NRCAM: variants seen among roughly 807,000 people sequenced by gnomAD.
NRCAM encodes the protein neuronal cell adhesion molecule.
Under a neutral mutation model 156.5 loss-of-function variants are expected in NRCAM, and 83 were observed. The observed-to-expected ratio is 0.53, with a 90% CI of 0.44 to 0.64. The LOEUF is 0.64. Ranked by LOEUF, NRCAM falls within the 30% of genes least tolerant of loss-of-function variation. NRCAM has a pLI of 0.00. For synonymous variants in NRCAM, 538 were observed against 563.9 expected (o/e 0.95, Z 0.65); for missense variants, 1,417 against 1,597.3 (o/e 0.89, Z 1.92).
intron 11 of NRCAM, among the ~76,000 whole-genome samples, chr7:108,218,185 G>GGA (rs1554582759): frequency 1.3e-5 from 2 of 149,864 alleles, no homozygotes; most frequent in African/African-American, 2.5e-5. Context: ...GGGGGGGGGG[G>GGA]GAGTTCCCCG....
intron 20 of NRCAM, among the ~76,000 whole-genome samples, chr7:108,188,393 G>T (rs781306106): frequency 1.3e-5 from 2 of 151,934 alleles, no homozygotes; most frequent in African/African-American, 2.4e-5. Context: ...GTGTGTGTGT[G>T]TGTGTGTATA....
At chr7:108,170,494 C>G (rs1418023271) in intron 28 of NRCAM, among the ~76,000 whole-genome samples, 1 of 152,202 alleles carries the variant, frequency 6.6e-6, no homozygotes, top group African/African-American at 2.4e-5. Context: ...AGAGTCTCAT[C>G]AGAAACTCAA....
intron 2 of NRCAM, among the ~76,000 whole-genome samples, chr7:108,363,943 T>A (rs1563448083): frequency 6.6e-6 from 1 of 152,078 alleles, no homozygotes; most frequent in Non-Finnish European, 1.5e-5. Context: ...TAATATGGTA[T>A]CCTAGATAGG....
intron 2 of NRCAM, among the ~76,000 whole-genome samples, chr7:108,383,942 G>T (rs1277670369): frequency 2.6e-5 from 4 of 152,038 alleles, no homozygotes; most frequent in African/African-American, 9.7e-5. Flanking sequence ...TGGTGCATTT[G>T]GTTTAAGAAC....
intron 8 of NRCAM, among the ~76,000 whole-genome samples, chr7:108,229,363 A>C (rs1184054459): frequency 6.6e-6 from 1 of 152,194 alleles, no homozygotes; most frequent in Non-Finnish European, 1.5e-5. Flanking sequence ...CCTGAGCTGA[A>C]GCAATCCTCC....
intron 2 of NRCAM, among the ~76,000 whole-genome samples, chr7:108,389,763 G>C (rs1405449431): frequency 1.3e-5 from 2 of 152,194 alleles, no homozygotes; most frequent in Non-Finnish European, 2.9e-5. Context: ...TTTTTGGCAT[G>C]AAGGGCTGTT....
At chr7:108,180,191 C>G in intron 25 of NRCAM, 32 bp downstream of exon 25, 5 of 1,598,982 alleles carry the variant, frequency 3.1e-6, no homozygotes, top group Non-Finnish European at 4.3e-6. Flanking sequence ...GCCATATGTT[C>G]CTGAGATCTT....
At chr7:108,417,820 A>G (rs1399630395) in intron 1 of NRCAM, among the ~76,000 whole-genome samples, 1 of 152,122 alleles carries the variant, frequency 6.6e-6, no homozygotes, top group African/African-American at 2.4e-5. Context: ...ATACCTGGTT[A>G]AATACCACTC....
intron 1 of NRCAM, among the ~76,000 whole-genome samples, chr7:108,425,728 C>A (rs1816402019): frequency 6.6e-6 from 1 of 152,142 alleles, no homozygotes; most frequent in African/African-American, 2.4e-5. Context: ...CTGTCTGGCT[C>A]TAGAGATGAT....
chr7:108,440,121 T>C (rs13221639), intron 1 of NRCAM, among the ~76,000 whole-genome samples: 97,970 of 151,912 alleles, frequency 0.64, 32,278 homozygotes, highest in African/African-American at 0.8. Context: ...TCCATATGTC[T>C]ATCCACTGGT....
chr7:108,248,863 C>T (rs1318512265), intron 3 of NRCAM, among the ~76,000 whole-genome samples: 1 of 152,158 alleles, frequency 6.6e-6, no homozygotes, highest in African/African-American at 2.4e-5. Context: ...GGCCTATTCA[C>T]AATCAATCTG....
chr7:108,360,598 C>T (rs2099543199), intron 2 of NRCAM, among the ~76,000 whole-genome samples: 1 of 152,198 alleles, frequency 6.6e-6, no homozygotes, highest in Admixed American at 6.5e-5. Context: ...TTGAAACTTA[C>T]TTCAAAGCTG....
intron 17 of NRCAM, among the ~76,000 whole-genome samples, chr7:108,192,237 C>T (rs185756267): frequency 4.6e-5 from 7 of 151,958 alleles, no homozygotes; most frequent in South Asian, 2.1e-4. Context: ...AGCTGAGCTC[C>T]GCCTCCTGTC....
chr7:108,393,013 A>C (rs2099765707), intron 2 of NRCAM, among the ~76,000 whole-genome samples: 1 of 152,198 alleles, frequency 6.6e-6, no homozygotes, highest in African/African-American at 2.4e-5. Flanking sequence ...CTCGGAGGTC[A>C]GGGACCCACT....
At chr7:108,365,969 G>A (rs2099589370) in intron 2 of NRCAM, among the ~76,000 whole-genome samples, 1 of 152,160 alleles carries the variant, frequency 6.6e-6, no homozygotes, top group African/African-American at 2.4e-5. Flanking sequence ...ATGAGCGGAG[G>A]CCTTTAAGAG....
intron 3 of NRCAM, among the ~76,000 whole-genome samples, chr7:108,279,335 CCT>C (rs1231958164): frequency 1.3e-5 from 2 of 152,076 alleles, no homozygotes; most frequent in Non-Finnish European, 2.9e-5. Flanking sequence ...CTAACAGAAC[CCT>C]GTTTTGTGTT....
At chr7:108,408,172 T>C (rs1790821856) in intron 1 of NRCAM, among the ~76,000 whole-genome samples, 1 of 152,186 alleles carries the variant, frequency 6.6e-6, no homozygotes, top group Non-Finnish European at 1.5e-5. Context: ...TTCATAATAA[T>C]TCATAAATCC....
chr7:108,296,227 T>C (rs985507658), intron 3 of NRCAM, among the ~76,000 whole-genome samples: 49 of 152,274 alleles, frequency 3.2e-4, no homozygotes, highest in African/African-American at 1.1e-3. Flanking sequence ...GCCTCTGTAA[T>C]TGTGAAGCTA....
chr7:108,432,576 A>G lies in NRCAM; in HGVS notation c.-332+23667T>C, dbSNP rs186140997. 2.2e-4 allele frequency among the ~76,000 whole-genome samples: 33 copies of G among 152,316 alleles called. No homozygotes were observed. In the East Asian group the frequency reaches 6.4e-3, roughly 29 times the overall value. ...AGAGGAAATCGAAGTGTTCTCTCACACTGCAATACAGACATGGGGAAAAAA... is the reference window on the plus strand; with the variant it reads ...AGAGGAAATCGAAGTGTTCTCTCACGCTGCAATACAGACATGGGGAAAAAA... On this transcript the variant is annotated intron_variant, in intron 1 of 32. Transcript: ENST00000379028.
Sources: gnomAD v4.1 joint callset for allele counts (sites outside exome capture counted in the v4.1 genomes callset) on GRCh38, gnomAD v4.1.1 for gene constraint, MANE v1.5 for transcripts, NCBI Gene and HGNC (gene_info 2026-07-23, HGNC 2026-07-21) for gene names.